Variants in SFMBT1 observed in about 807,000 individuals in gnomAD.
SFMBT1 encodes Scm like with four mbt domains 1, also known as scm-like with four MBT domains protein 1.
SFMBT1 carries 32 observed loss-of-function variants against 108.7 expected under a neutral mutation model. That is an observed-to-expected ratio of 0.29 (90% CI 0.22 to 0.40). The LOEUF (loss-of-function observed/expected upper bound fraction) is 0.40. Among genes scored for constraint, SFMBT1 ranks in the 10% least tolerant of loss-of-function variants. The pLI is 1.00. For synonymous variants in SFMBT1, 348 were observed against 369.5 expected, an observed-to-expected ratio of 0.94 and a Z score of 0.67; for missense variants, 816 against 1,059.6, an observed-to-expected ratio of 0.77 and a Z score of 3.19.
intron 1 of SFMBT1, among the ~76,000 whole-genome samples, chr3:52,983,747 GT>G (rs1704807172): frequency 6.6e-6 from 1 of 152,178 alleles, no homozygotes; most frequent in African/African-American, 2.4e-5. Flanking sequence ...GGCCACAGTG[GT>G]TGGAACAAAA....
chr3:52,951,121 A>AAAAAAAG (rs1407250605), intron 3 of SFMBT1, among the ~76,000 whole-genome samples: 7 of 146,650 alleles, frequency 4.8e-5, no homozygotes, highest in African/African-American at 1.7e-4. Context: ...TATCTTAAAA[A>AAAAAAAG]AAAAAAAAAA....
intron 1 of SFMBT1, among the ~76,000 whole-genome samples, chr3:53,023,293 G>A (rs144195395): frequency 2.4e-4 from 36 of 152,254 alleles, no homozygotes; most frequent in Admixed American, 5.9e-4. Context: ...AAGAGATCAG[G>A]GCCACAGTGA....
In SFMBT1 at chr3:52,928,197, G is replaced by T; in HGVS notation, c.1042C>A (p.Pro348Thr). 3 of 1,610,104 alleles carry T rather than the reference G, an allele frequency of 1.9e-6. No homozygotes were observed. The highest frequency in any genetic ancestry group is 2.5e-6 in the Non-Finnish European group (3 of 1,178,378). Residue 348 changes from proline to threonine, a missense_variant, in exon 9 of 21, where the codon CCT (proline) becomes ACT (threonine). This residue lies in a region of SFMBT1 where 495 missense variants were observed against 607.4 expected (regional missense o/e 0.81). Coordinates refer to ENST00000394752, the MANE Select transcript of SFMBT1 (RefSeq NM_016329.4). ...GAAGACAGCGAATGTGCACCTGGAG[G>T]GGGGCTGATGTGTAGGCCATTCTTC... ...SLKNGLHISP[P>T]PGYPSQDFDW... is the part of the protein sequence containing the mutation.
chr3:52,924,546 G>C (rs2106784844), intron 10 of SFMBT1, among the ~76,000 whole-genome samples: 1 of 152,232 alleles, frequency 6.6e-6, no homozygotes, highest in South Asian at 2.1e-4. Flanking sequence ...GGAGGGTGAG[G>C]CAGGACAATC....
intron 9 of SFMBT1, among the ~76,000 whole-genome samples, chr3:52,927,364 T>C (rs1006323363): frequency 1.3e-5 from 2 of 152,224 alleles, no homozygotes; most frequent in Admixed American, 6.5e-5. Context: ...AAAAGCTGAA[T>C]GGAAGACAAA....
chr3:52,944,357 G>C (rs1371375344), intron 3 of SFMBT1, among the ~76,000 whole-genome samples: 1 of 152,162 alleles, frequency 6.6e-6, no homozygotes, highest in Non-Finnish European at 1.5e-5. Flanking sequence ...CAGACAGACA[G>C]GCAGATAGAT....
chr3:52,941,016 T>G (rs768270833), intron 4 of SFMBT1, among the ~76,000 whole-genome samples: 1 of 152,106 alleles, frequency 6.6e-6, no homozygotes, highest in East Asian at 1.9e-4. Flanking sequence ...TCTTCAAAAA[T>G]GTCAAGTTCA....
At chr3:53,020,956 G>A (rs532341471) in intron 1 of SFMBT1, among the ~76,000 whole-genome samples, 116 of 152,108 alleles carry the variant, frequency 7.6e-4, no homozygotes, top group South Asian at 4.8e-3. Context: ...TACATGAGAG[G>A]CCGAGGCAGG....
chr3:52,999,575 T>C lies in SFMBT1; in HGVS notation c.-130-30317A>G, dbSNP rs1001863096. ...CAGAGGGGAAGCCACACCCTGATGC[T>C]ATGTTCAAACGCTCCAGAAGACAGG... is the stretch of plus-strand genomic sequence containing the variant. On this transcript the variant is annotated intron_variant, in intron 1 of 20. Coordinates refer to ENST00000394752, the MANE Select transcript of SFMBT1 (RefSeq NM_016329.4). 1.3e-5 allele frequency among the ~76,000 whole-genome samples: 2 copies of C among 150,292 alleles called. 1 individual carries two copies. Among genetic ancestry groups the C allele is most frequent in the African/African-American group, 4.8e-5 (2 of 41,290 alleles).
intron 1 of SFMBT1, among the ~76,000 whole-genome samples, chr3:53,012,427 G>A (rs1698976324): frequency 1.3e-5 from 2 of 151,842 alleles, no homozygotes; most frequent in Admixed American, 6.6e-5. Flanking sequence ...TCCCGAGACG[G>A]AGTCTCGCTC....
intron 1 of SFMBT1, among the ~76,000 whole-genome samples, chr3:52,995,870 G>A (rs1324641996): frequency 6.7e-6 from 1 of 149,418 alleles, no homozygotes; most frequent in African/African-American, 2.4e-5. Flanking sequence ...TCAGGAGTTC[G>A]AGACCAGCCT....
chr3:52,907,382 A>C, intron 18 of SFMBT1, 68 bp from the exon 19 acceptor site: 1 of 1,539,204 alleles, frequency 6.5e-7, no homozygotes, highest in Non-Finnish European at 8.7e-7. Context: ...ATGATTAAAA[A>C]AAAATAATAA....
chr3:53,032,609 T>G (rs1314003990), intron 1 of SFMBT1, among the ~76,000 whole-genome samples: 3 of 152,198 alleles, frequency 2.0e-5, no homozygotes, highest in Non-Finnish European at 4.4e-5. Context: ...CATAATACAT[T>G]TTCAAATAGG....
intron 3 of SFMBT1, among the ~76,000 whole-genome samples, chr3:52,944,570 A>G (rs1233316188): frequency 6.6e-6 from 1 of 151,972 alleles, no homozygotes; most frequent in Non-Finnish European, 1.5e-5. Context: ...CCCAGGCTGG[A>G]GTGCAATGGC....
In SFMBT1 at chr3:52,932,158, A is replaced by T; in HGVS notation, c.604T>A (p.Ser202Thr). ...LKLRYEGLES[S>T]DNYEHWLYYL... The stretch of plus-strand genomic sequence containing the variant: ...TACAACCAATGTTCATAATTGTCAG[A>T]ACTTTCAAGTCCTTCATAACGTAGC... The change falls in exon 6 of 21, where the codon TCT (serine) becomes ACT (threonine). Residue 202 changes from serine (S) to threonine (T), a missense_variant. By Grantham distance (58) the Ser-to-Thr change is moderately conservative (BLOSUM62 1). Coordinates refer to ENST00000394752, the MANE Select transcript of SFMBT1 (RefSeq NM_016329.4). 1 of 1,614,192 alleles carries T rather than the reference A, an allele frequency of 6.2e-7. No individual in the cohort carries two copies. Among genetic ancestry groups the T allele is most frequent in the Non-Finnish European group, 8.5e-7 (1 of 1,180,030 alleles).
At chr3:53,029,990 A>C (rs1000345661) in intron 1 of SFMBT1, among the ~76,000 whole-genome samples, 1 of 152,218 alleles carries the variant, frequency 6.6e-6, no homozygotes, top group Non-Finnish European at 1.5e-5. Context: ...TAGAAATACT[A>C]ACTTAGAAAA....
intron 1 of SFMBT1, chr3:53,043,103 T>C (rs949130347): frequency 6.6e-6 from 1 of 152,274 alleles, no homozygotes; most frequent in Admixed American, 6.5e-5. Context: ...CACAAGCCTT[T>C]GTTAGGAACT....
At chr3:52,913,216 A>G (rs1165708865) in intron 15 of SFMBT1, among the ~76,000 whole-genome samples, 3 of 152,204 alleles carry the variant, frequency 2.0e-5, no homozygotes, top group Non-Finnish European at 4.4e-5. Flanking sequence ...TCACTTTTGT[A>G]TAGTTCTCTT....
intron 1 of SFMBT1, among the ~76,000 whole-genome samples, chr3:53,000,132 G>A (rs1019689112): frequency 6.7e-6 from 1 of 150,046 alleles, no homozygotes; most frequent in South Asian, 2.1e-4. Context: ...AAAGTGCTGG[G>A]ATTACAGGCG....
Sources: allele counts gnomAD v4.1 joint callset (sites outside exome capture counted in the v4.1 genomes callset), GRCh38; gene constraint gnomAD v4.1.1; regional missense constraint gnomAD v4.1.1; transcripts MANE v1.5; gene names NCBI Gene and HGNC (gene_info 2026-07-23, HGNC 2026-07-21).